The following HGF variants were observed in gnomAD, a reference collection of about 807,000 sequenced individuals.
HGF encodes the protein hepatocyte growth factor.
HGF carries 39 observed loss-of-function variants against 111.6 expected under a neutral mutation model. The ratio of observed to expected loss-of-function variants is 0.35; its 90% confidence interval spans 0.27 to 0.46. The LOEUF is 0.46. HGF is among the 20% of genes least tolerant of loss of function. The pLI, the probability that HGF is intolerant of heterozygous loss-of-function variation, is 1.00. For synonymous variants in HGF, 285 were observed against 294.8 expected, an observed-to-expected ratio of 0.97 and a Z score of 0.34; for missense variants, 735 against 910.5, an observed-to-expected ratio of 0.81 and a Z score of 2.48.
At chr7:81,730,754 TC>T (rs375185818) in intron 7 of HGF, among the ~76,000 whole-genome samples, 223 of 152,332 alleles carry the variant, frequency 1.5e-3, no homozygotes, top group African/African-American at 4.8e-3. Context: ...TCATATATCT[TC>T]TTAAAACATA....
At chr7:81,709,913 C>G (rs1461952633) in intron 13 of HGF, among the ~76,000 whole-genome samples, 1 of 152,054 alleles carries the variant, frequency 6.6e-6, no homozygotes, top group Admixed American at 6.6e-5. Flanking sequence ...GGGACATTGC[C>G]AACACATATG....
At chr7:81,720,159 T>G (rs1789815874) in intron 10 of HGF, among the ~76,000 whole-genome samples, 1 of 152,182 alleles carries the variant, frequency 6.6e-6, no homozygotes, top group African/African-American at 2.4e-5. Flanking sequence ...CTCTAAAATT[T>G]GTAGATTTTT....
chr7:81,754,810 C>A (rs1353339964), intron 4 of HGF, among the ~76,000 whole-genome samples: 1 of 151,990 alleles, frequency 6.6e-6, no homozygotes, highest in Non-Finnish European at 1.5e-5. Context: ...CCTAGCCATG[C>A]TCTTTCACTT....
intron 11 of HGF, among the ~76,000 whole-genome samples, chr7:81,712,382 A>C (rs1203272484): frequency 1.3e-5 from 2 of 152,214 alleles, no homozygotes. Context: ...ATAGATATCA[A>C]TGTCACTAAT....
chr7:81,738,170 C>T (rs1194190788), intron 7 of HGF, among the ~76,000 whole-genome samples: 2 of 152,004 alleles, frequency 1.3e-5, no homozygotes, highest in African/African-American at 4.8e-5. Flanking sequence ...TGCAACAAAA[C>T]CCCATGACAC....
chr7:81,755,416 A>C (rs2116156848), intron 4 of HGF: 1 of 152,266 alleles, frequency 6.6e-6, no homozygotes, highest in African/African-American at 2.4e-5. Flanking sequence ...AAGGGATTTT[A>C]TTAATATACT....
chr7:81,769,764 A>G, intron 1 of HGF, 120 bp downstream of exon 1: 3 of 765,382 alleles, frequency 3.9e-6, no homozygotes, highest in Non-Finnish European at 6.9e-6. Context: ...CCTATACTAC[A>G]TACTGAGTTC....
At chr7:81,757,574 C>T (rs1230802686) in intron 3 of HGF, among the ~76,000 whole-genome samples, 1 of 152,084 alleles carries the variant, frequency 6.6e-6, no homozygotes, top group African/African-American at 2.4e-5. Context: ...AGTCTGTATA[C>T]TCAGCTAGCC....
At chr7:81,757,444 T>C in intron 3 of HGF, 141 bp from the exon 4 acceptor site, 1 of 638,486 alleles carries the variant, frequency 1.6e-6, no homozygotes. Context: ...CTAAAGCTTC[T>C]ACTAGTATTT....
At chr7:81,705,333 A>C (rs780620898) in intron 17 of HGF, 57 bp downstream of exon 17, 9 of 1,533,456 alleles carry the variant, frequency 5.9e-6, no homozygotes, top group Non-Finnish European at 6.3e-6. Flanking sequence ...GAAAAAAATA[A>C]ACATGAAACA....
At chr7:81,720,942 T>G (rs1789838125) in intron 9 of HGF, 95 bp from the exon 10 acceptor site, 1 of 763,158 alleles carries the variant, frequency 1.3e-6, no homozygotes, top group Admixed American at 2.0e-5. Flanking sequence ...GAAATCAACA[T>G]AAAAATTAAA....
chr7:81,759,528 AGAGTCTCACACTGTC>A (rs1245483285), intron 2 of HGF, among the ~76,000 whole-genome samples: 1 of 152,108 alleles, frequency 6.6e-6, no homozygotes, highest in Non-Finnish European at 1.5e-5. Context: ...TTTTTGAGAC[AGAGTCTCACACTGTC>A]GCCCAGGCTG....
At chr7:81,726,086 T>C in intron 8 of HGF, 69 bp from the exon 9 acceptor site, 3 of 1,470,676 alleles carry the variant, frequency 2.0e-6, no homozygotes, top group Non-Finnish European at 2.9e-6. Context: ...CGCTATTACA[T>C]TTCTAGAATT....
At chr7:81,748,926 T>G (rs144902572) in intron 5 of HGF, among the ~76,000 whole-genome samples, 43 of 152,336 alleles carry the variant, frequency 2.8e-4, no homozygotes, top group African/African-American at 1.0e-3. Flanking sequence ...AGGAGTGATA[T>G]GAGTATACAG....
At chr7:81,707,814 A>G (rs1789467937) in intron 13 of HGF, among the ~76,000 whole-genome samples, 1 of 152,120 alleles carries the variant, frequency 6.6e-6, no homozygotes, top group African/African-American at 2.4e-5. Context: ...AGTGGTAGCA[A>G]TTTTATTCGT....
chr7:81,755,931 CAACA>C (rs1472078551), intron 4 of HGF: 1 of 685,988 alleles, frequency 1.5e-6, no homozygotes, highest in African/African-American at 1.8e-5. Context: ...CAGTGTGGAG[CAACA>C]AACTCTTTTT....
intron 11 of HGF, among the ~76,000 whole-genome samples, chr7:81,713,456 G>T (rs1583925502): frequency 6.6e-6 from 1 of 151,316 alleles, no homozygotes; most frequent in African/African-American, 2.4e-5. Context: ...AACCTGGGAG[G>T]CAGAGTTTGC....
chr7:81,716,357 A>C (rs1789711933), intron 11 of HGF, among the ~76,000 whole-genome samples: 1 of 152,124 alleles, frequency 6.6e-6, no homozygotes, highest in Non-Finnish European at 1.5e-5. Flanking sequence ...ACTAACTTCC[A>C]AGCAGGATTT....
intron 2 of HGF, among the ~76,000 whole-genome samples, chr7:81,762,371 G>GA (rs200014747): frequency 1.1e-4 from 17 of 150,722 alleles, no homozygotes; most frequent in Admixed American, 9.2e-4. Flanking sequence ...CTCTTGCAAG[G>GA]AAAAAAAAAG....
Sources: allele counts gnomAD v4.1 joint callset (sites outside exome capture counted in the v4.1 genomes callset), GRCh38; gene constraint gnomAD v4.1.1; transcripts MANE v1.5; gene names NCBI Gene and HGNC (gene_info 2026-07-23, HGNC 2026-07-21).